SCFD2: variants seen among roughly 807,000 people sequenced by gnomAD.
The protein encoded by SCFD2 is sec1 family domain containing 2.
A neutral mutation model predicts 58.9 loss-of-function variants in SCFD2; 54 were observed. The observed-to-expected ratio is 0.92, with a 90% CI of 0.74 to 1.15. SCFD2 has a LOEUF of 1.15. SCFD2 is among the 50% of genes most tolerant of loss of function. SCFD2 has a pLI of 0.00. For missense variants in SCFD2, 805 were observed against 836.6 expected, an observed-to-expected ratio of 0.96 and a Z score of 0.47; for synonymous variants, 321 against 335.9, an observed-to-expected ratio of 0.96 and a Z score of 0.49.
intron 4 of SCFD2, among the ~76,000 whole-genome samples, chr4:53,221,183 A>G (rs1729037461): frequency 6.6e-6 from 1 of 152,206 alleles, no homozygotes; most frequent in African/African-American, 2.4e-5. Context: ...ACAAATGAGG[A>G]AAATAGGGTT....
intron 5 of SCFD2, among the ~76,000 whole-genome samples, chr4:53,128,707 A>G (rs1024228685): frequency 1.3e-5 from 2 of 152,208 alleles, no homozygotes; most frequent in African/African-American, 4.8e-5. Context: ...AGCATCCTAC[A>G]TTTTTAAAAT....
At chr4:53,168,254 G>A (rs1268013347) in intron 4 of SCFD2, among the ~76,000 whole-genome samples, 3 of 152,306 alleles carry the variant, frequency 2.0e-5, no homozygotes, top group Non-Finnish European at 2.9e-5. Context: ...GTTCATTCAG[G>A]ACCCCAAAGT....
chr4:53,030,313 C>T lies in SCFD2; in HGVS notation c.1562-109443G>A, dbSNP rs372977350. On this transcript the variant is annotated intron_variant, in intron 5 of 8. Transcript: ENST00000401642. ...ACTGGAATGGTTCAAAAAACAGAAA[C>T]AAAAAAGGAAATCCTGACAATACTA... 2.6e-5 allele frequency among the ~76,000 whole-genome samples: 4 copies of T among 151,818 alleles called. No homozygotes were observed. The East Asian group carries it at 7.7e-4, about 29-fold the overall frequency.
intron 5 of SCFD2, among the ~76,000 whole-genome samples, chr4:53,053,397 T>A (rs1723236909): frequency 6.6e-6 from 1 of 152,148 alleles, no homozygotes; most frequent in Admixed American, 6.5e-5. Context: ...ACTTATGTTT[T>A]GTCCACCTTA....
chr4:53,258,594 A>G lies in SCFD2; in HGVS notation c.1311+15232T>C, dbSNP rs74468078. Among the ~76,000 whole-genome samples the G allele has an allele frequency of 1.1e-3, 165 of 148,318 alleles. 1 individual carries two copies. In the East Asian group the frequency reaches 0.027, roughly 24 times the overall value. The stretch of plus-strand genomic sequence containing the variant: ...TATATATATACACACACATATATAC[A>G]TAACACATTTTCTTTATCCACCCAT... On this transcript the variant is annotated intron_variant, in intron 4 of 8. Coordinates refer to ENST00000401642, the MANE Select transcript of SCFD2 (RefSeq NM_152540.4).
chr4:53,134,448 A>G (rs1184311976), intron 5 of SCFD2, among the ~76,000 whole-genome samples: 2 of 152,230 alleles, frequency 1.3e-5, no homozygotes, highest in Non-Finnish European at 2.9e-5. Context: ...AAGGTAATGA[A>G]CAGGTGAGAA....
intron 7 of SCFD2, among the ~76,000 whole-genome samples, chr4:52,900,210 G>T (rs571499713): frequency 2.0e-5 from 3 of 152,292 alleles, no homozygotes; most frequent in Non-Finnish European, 4.4e-5. Context: ...CGTTCCTTTG[G>T]AGGAGGAGAG....
chr4:53,056,673 A>G (rs1395550258), intron 5 of SCFD2, among the ~76,000 whole-genome samples: 1 of 152,054 alleles, frequency 6.6e-6, no homozygotes, highest in East Asian at 1.9e-4. Flanking sequence ...TTTCTTTCTA[A>G]TTGTTCAGTT....
intron 3 of SCFD2, among the ~76,000 whole-genome samples, chr4:53,300,331 A>G (rs1732231867): frequency 6.6e-6 from 1 of 152,202 alleles, no homozygotes; most frequent in African/African-American, 2.4e-5. Context: ...TTAAACCAAC[A>G]AAGATCAAAA....
intron 5 of SCFD2, among the ~76,000 whole-genome samples, chr4:53,059,999 T>C (rs1723458143): frequency 6.6e-6 from 1 of 152,130 alleles, no homozygotes; most frequent in South Asian, 2.1e-4. Context: ...GAATCTCACA[T>C]TGAAAAGATT....
intron 4 of SCFD2, among the ~76,000 whole-genome samples, chr4:53,208,073 C>T (rs1728492260): frequency 6.6e-6 from 1 of 151,928 alleles, no homozygotes; most frequent in South Asian, 2.1e-4. Context: ...CCTCCCACCT[C>T]AGCCTCCTGA....
chr4:52,939,232 A>G (rs1486517553), intron 5 of SCFD2, among the ~76,000 whole-genome samples: 1 of 152,244 alleles, frequency 6.6e-6, no homozygotes, highest in Non-Finnish European at 1.5e-5. Context: ...ATTAGAAAGA[A>G]AATAGAAACA....
chr4:53,095,214 A>C (rs1439245641), intron 5 of SCFD2, among the ~76,000 whole-genome samples: 2 of 152,104 alleles, frequency 1.3e-5, no homozygotes, highest in African/African-American at 4.8e-5. Context: ...TTGGATGTTC[A>C]ATAGATGTGT....
At chr4:53,176,767 G>A (rs1459559327) in intron 4 of SCFD2, among the ~76,000 whole-genome samples, 2 of 152,020 alleles carry the variant, frequency 1.3e-5, no homozygotes, top group Non-Finnish European at 2.9e-5. Flanking sequence ...CTGCCCACAT[G>A]GTGAAATCCC....
intron 4 of SCFD2, among the ~76,000 whole-genome samples, chr4:53,185,624 A>C (rs1335580350): frequency 6.6e-6 from 1 of 152,174 alleles, no homozygotes; most frequent in East Asian, 1.9e-4. Context: ...TTATTATCTA[A>C]ATTAAGCTGG....
At chr4:53,292,022 A>T (rs963383706) in intron 3 of SCFD2, among the ~76,000 whole-genome samples, 13 of 152,176 alleles carry the variant, frequency 8.5e-5, no homozygotes, top group Non-Finnish European at 1.6e-4. Context: ...AAAATGAATT[A>T]ATTCAAAATG....
In SCFD2 at chr4:53,283,892, C is replaced by T. The variant is rs1172840398; in HGVS notation, c.1136-9891G>A. Among the ~76,000 whole-genome samples, 21 of 151,868 alleles carry T rather than the reference C, an allele frequency of 1.4e-4. No homozygotes were observed. The East Asian group carries it at 3.3e-3, about 24-fold the overall frequency. ...CAGCACCTTGGGAGGCCGAGGTGGG[C>T]GGATCACAAGGTCAGGAGATCGAGA... On this transcript the variant is annotated intron_variant, in intron 3 of 8. Coordinates refer to ENST00000401642, the MANE Select transcript of SCFD2 (RefSeq NM_152540.4).
intron 4 of SCFD2, among the ~76,000 whole-genome samples, chr4:53,206,017 C>T (rs528234318): frequency 6.6e-6 from 1 of 152,230 alleles, no homozygotes; most frequent in South Asian, 2.1e-4. Context: ...ATTATCAGTA[C>T]TAATTATTAT....
intron 5 of SCFD2, among the ~76,000 whole-genome samples, chr4:53,101,676 C>T (rs1345071332): frequency 6.6e-6 from 1 of 152,240 alleles, no homozygotes; most frequent in Non-Finnish European, 1.5e-5. Context: ...TGGAAATAAA[C>T]TCCAAATGTT....
Sources: gnomAD v4.1 joint callset for allele counts (sites outside exome capture counted in the v4.1 genomes callset) on GRCh38, gnomAD v4.1.1 for gene constraint, MANE v1.5 for transcripts, NCBI Gene and HGNC (gene_info 2026-07-23, HGNC 2026-07-21) for gene names.